Variants in PDPR observed in about 807,000 individuals in gnomAD.
PDPR encodes the protein pyruvate dehydrogenase phosphatase regulatory subunit.
Under a neutral mutation model 102.2 loss-of-function variants are expected in PDPR, and 50 were observed. The observed-to-expected ratio is 0.49, with a 90% CI of 0.39 to 0.62. The LOEUF is 0.62. Among genes scored for constraint, PDPR ranks in the 20% least tolerant of loss-of-function variants. PDPR has a pLI of 0.00. For missense variants in PDPR, 625 were observed against 1,098.2 expected, an observed-to-expected ratio of 0.57 and a Z score of 6.09; for synonymous variants, 259 against 406.0, an observed-to-expected ratio of 0.64 and a Z score of 4.35.
At chr16:70,126,858 T>C (rs1370044306) in intron 3 of PDPR, among the ~76,000 whole-genome samples, 43 of 152,232 alleles carry the variant, frequency 2.8e-4, no homozygotes, top group South Asian at 2.1e-4. Flanking sequence ...CTGTCCCATG[T>C]CATTGAACAT....
chr16:70,122,830 C>T (rs1963469612), intron 3 of PDPR, among the ~76,000 whole-genome samples: 1 of 145,074 alleles, frequency 6.9e-6, no homozygotes, highest in Admixed American at 6.8e-5. Context: ...TTTATTTACT[C>T]AGTTATATAT....
intron 3 of PDPR, 85 bp downstream of exon 3, chr16:70,120,804 A>G (rs1465163130): frequency 6.6e-5 from 58 of 872,892 alleles, no homozygotes. Flanking sequence ...CTGCCCCACC[A>G]GTAGCTAATC....
At chr16:70,154,978 G>C (rs1475907664) in intron 18 of PDPR, among the ~76,000 whole-genome samples, 2 of 152,158 alleles carry the variant, frequency 1.3e-5, no homozygotes, top group African/African-American at 4.8e-5. Context: ...GATCACCTGA[G>C]TTCACAAGTT....
downstream of PDPR, among the ~76,000 whole-genome samples, chr16:70,163,371 C>T (rs1191577351): frequency 1.3e-5 from 2 of 152,110 alleles, no homozygotes; most frequent in African/African-American, 4.8e-5. Flanking sequence ...TATTCCAGTT[C>T]CAGGAATAGT....
At position 70,153,579 on chromosome 16, in the gene PDPR, G is replaced by T. The variant is rs769174239; in HGVS notation, c.2235+6G>T. The T allele has an allele frequency of 1.3e-6, 2 of 1,592,542 alleles. No homozygotes were observed. The highest frequency in any genetic ancestry group is 1.7e-6 in the Non-Finnish European group (2 of 1,170,416). ...CTCGGGTGAAATTAGAGAAGGTACT[G>T]TGTTTACCCAGACTCCACTTTCACT... On this transcript the variant is annotated splice_donor_region_variant and intron_variant, in intron 18 of 18. Coordinates refer to ENST00000288050, the MANE Select transcript of PDPR (RefSeq NM_017990.5).
In PDPR at chr16:70,153,523, C is replaced by T. The variant is rs1183586414; in HGVS notation, c.2185C>T (p.Leu729Phe). The stretch of plus-strand genomic sequence containing the variant: ...CTTCTGGGGTCAGGATATAAATAAC[C>T]TCACCACGCCCCTGGAATGTGGACG... ...FAFWGQDINN[L>F]TTPLECGRES... Residue 729 changes from leucine (L) to phenylalanine (F), a missense_variant, in exon 18 of 19, where the codon CTC becomes TTC. Physicochemically the swap from Leu to Phe is conservative, Grantham distance 22. Around this residue, in one of 11 missense-constraint regions of PDPR, gnomAD observed 303 missense variants for 258.9 expected, o/e 1.17. Transcript: ENST00000288050. The T allele has an allele frequency of 3.1e-6, 5 of 1,611,918 alleles. No individual in the cohort carries two copies. Among genetic ancestry groups the T allele is most frequent in the Non-Finnish European group, 4.2e-6 (5 of 1,179,172 alleles).
At chr16:70,138,415 C>T (rs566011359) in intron 10 of PDPR, among the ~76,000 whole-genome samples, 44 of 152,308 alleles carry the variant, frequency 2.9e-4, no homozygotes, top group South Asian at 1.9e-3. Flanking sequence ...CAGGGTTTCT[C>T]CACATTGGTC....
At chr16:70,118,459 G>C (rs1962881461) in intron 2 of PDPR, among the ~76,000 whole-genome samples, 1 of 152,252 alleles carries the variant, frequency 6.6e-6, no homozygotes, top group African/African-American at 2.4e-5. Context: ...CCAAGGAGCA[G>C]GACAGTTTTC....
chr16:70,157,024 C>G lies in PDPR; in HGVS notation c.*145C>G, dbSNP rs1197578823. 22 of 1,282,772 alleles carry G rather than the reference C, an allele frequency of 1.7e-5. No homozygotes were observed. Among genetic ancestry groups the G allele is most frequent in the Non-Finnish European group, 2.3e-5 (21 of 912,474 alleles). The allele number at this position is 1,282,772 out of a possible 1,614,324, so 79.5% of individuals were successfully genotyped here. A position where few individuals can be genotyped will look rare whatever the true frequency, so the allele number is the denominator to read the frequency against. ...CTCCTTGATATAATTTTGAACTTGACCTACTTTAAACTTTTTTGCTCTGCA... is the reference window on the plus strand; with the variant it reads ...CTCCTTGATATAATTTTGAACTTGAGCTACTTTAAACTTTTTTGCTCTGCA... On this transcript the variant is annotated 3_prime_UTR_variant, in exon 19 of 19. Transcript: ENST00000288050.
Position 70,148,454 on chromosome 16 carries a change from G to C in PDPR, c.1963-10G>C. ...AGTGCCCAGGCTGACTGCTGCCTTT[G>C]TCCCTGCAGGAGATGAGTGTGGGCT... On this transcript the variant is annotated splice_polypyrimidine_tract_variant and intron_variant, in intron 16 of 18. Transcript: ENST00000288050. The C allele has an allele frequency of 1.9e-6, 3 of 1,608,630 alleles. No homozygotes were observed. Among genetic ancestry groups the C allele is most frequent in the Non-Finnish European group, 2.6e-6 (3 of 1,175,794 alleles).
At position 70,154,189 on chromosome 16, in the gene PDPR, G is replaced by A. The variant is rs927280540; in HGVS notation, c.2235+616G>A. Among the ~76,000 whole-genome samples, 9 of 152,146 alleles carry A rather than the reference G, an allele frequency of 5.9e-5. No individual in the cohort carries two copies. In the South Asian group the frequency reaches 6.2e-4, roughly 11 times the overall value. On this transcript the variant is annotated intron_variant, in intron 18 of 18. Coordinates refer to ENST00000288050, the MANE Select transcript of PDPR (RefSeq NM_017990.5). ...AAAAATTTACAAAAAGTAGCTGGGC[G>A]TGGTGGCCAGCACCTGTAGTTCCAG... is the stretch of plus-strand genomic sequence containing the variant.
intron 2 of PDPR, among the ~76,000 whole-genome samples, chr16:70,117,508 A>G (rs1255479096): frequency 6.6e-6 from 1 of 151,612 alleles, no homozygotes; most frequent in African/African-American, 2.4e-5. Flanking sequence ...ACAGAGCGAG[A>G]CTCCATCTCA....
chr16:70,142,748 T>C lies in PDPR; in HGVS notation c.1605+62T>C. The C allele has an allele frequency of 5.0e-6, 8 of 1,606,918 alleles. No homozygotes were observed. In the South Asian group the frequency reaches 8.8e-5, roughly 18 times the overall value. ...AACTTTACATATTTATTGAATGCCT[T>C]TTGTTTTTCATCTTCAAAACTGATT... is the stretch of plus-strand genomic sequence containing the variant. On this transcript the variant is annotated intron_variant, in intron 13 of 18. Coordinates refer to ENST00000288050, the MANE Select transcript of PDPR (RefSeq NM_017990.5).
rs149247484 is a variant in PDPR at position 70,146,255 on chromosome 16, T to C, written c.1962+27T>C. ...TAAGTGCTGATAAAGTTCTGTTTCT[T>C]AAATGGGCAGAGAATGTGTCTTTCA... On this transcript the variant is annotated intron_variant, in intron 16 of 18. Transcript: ENST00000288050. The C allele has an allele frequency of 3.4e-5, 55 of 1,613,570 alleles. No homozygotes were observed. The East Asian group carries it at 1.2e-3, about 36-fold the overall frequency.
Position 70,120,514 on chromosome 16 carries a change from T to A in PDPR, c.22T>A (p.Ser8Thr). The A allele has an allele frequency of 1.2e-6, 2 of 1,614,000 alleles. No homozygotes were observed. The highest frequency in any genetic ancestry group is 2.2e-5 in the East Asian group (1 of 44,892). Residue 8 changes from serine (S) to threonine (T), a missense_variant, in exon 3 of 19, where the codon TCG becomes ACG. By Grantham distance (58) the Ser-to-Thr change is moderately conservative. This residue lies in a region of PDPR where 84 missense variants were observed against 87.7 expected (regional missense o/e 0.96). Coordinates refer to ENST00000288050, the MANE Select transcript of PDPR (RefSeq NM_017990.5). ...AGACATGATGTTCTACCGGTTGCTG[T>A]CGATTGTTGGAAGACAAAGAGCCAG... MMFYRLL[S>T]IVGRQRASPG...
chr16:70,149,310 G>C (rs2152115150), intron 17 of PDPR, among the ~76,000 whole-genome samples: 1 of 152,158 alleles, frequency 6.6e-6, no homozygotes, highest in Non-Finnish European at 1.5e-5. Context: ...CTGTCACCTA[G>C]GGTGGAATGT....
At position 70,161,633 on chromosome 16, in the gene PDPR, C is replaced by T. The variant is rs1335330287; in HGVS notation, c.*4754C>T. ...ATTTAAGGTGCTGAGTTGTAAGGCT[C>T]CTCCATTGTCAGTACAGGGCTCGCC... On this transcript the variant is annotated 3_prime_UTR_variant, in exon 19 of 19. Transcript: ENST00000288050. The T allele has an allele frequency of 2.0e-5, 3 of 152,798 alleles. No homozygotes were observed. The highest frequency in any genetic ancestry group is 6.5e-5 in the Admixed American group (1 of 15,286). The allele number at this position is 152,798 out of a possible 1,614,324, so 9.5% of individuals were successfully genotyped here.
intron 3 of PDPR, among the ~76,000 whole-genome samples, chr16:70,125,266 C>G (rs145943250): frequency 3.3e-4 from 50 of 150,424 alleles, no homozygotes; most frequent in Middle Eastern, 3.4e-3. Context: ...ATCCTAGCTA[C>G]TTGGGAGGTT....
chr16:70,157,084 T>A lies in PDPR; in HGVS notation c.*205T>A, dbSNP rs948286774. 1 of 762,574 alleles carries A rather than the reference T, an allele frequency of 1.3e-6. No homozygotes were observed. Among genetic ancestry groups the A allele is most frequent in the Non-Finnish European group, 2.3e-6 (1 of 443,996 alleles). 47.2% of individuals were successfully genotyped at this position (762,574 alleles called of 1,614,324 possible). On this transcript the variant is annotated 3_prime_UTR_variant, in exon 19 of 19. Transcript: ENST00000288050. ...GCCCTTCCACCTCCTCCTCCTAATA[T>A]TCACTCTGGGCTCTTCTTCCCTTCC...
Sources: allele counts gnomAD v4.1 joint callset (sites outside exome capture counted in the v4.1 genomes callset), GRCh38; gene constraint gnomAD v4.1.1; regional missense constraint gnomAD v4.1.1; transcripts MANE v1.5; gene names NCBI Gene and HGNC (gene_info 2026-07-23, HGNC 2026-07-21).